PDE10A: variants seen among roughly 807,000 people sequenced by gnomAD.
The protein encoded by PDE10A is cAMP and cAMP-inhibited cGMP 3',5'-cyclic phosphodiesterase 10A.
In PDE10A, 39 loss-of-function variants were observed where a neutral mutation model predicts 97.7. That is an observed-to-expected ratio of 0.40 (90% confidence interval 0.31 to 0.52). The LOEUF (loss-of-function observed/expected upper bound fraction) is 0.52. Ranked by LOEUF, PDE10A falls within the 20% of genes least tolerant of loss-of-function variation. The probability of loss-of-function intolerance (pLI) is 0.56; values close to 1 mark genes in which losing one functional copy is unlikely to be tolerated. For synonymous variants in PDE10A, 371 were observed against 376.8 expected, an observed-to-expected ratio of 0.98 and a Z score of 0.18; for missense variants, 731 against 1,047.8, an observed-to-expected ratio of 0.70 and a Z score of 4.17.
chr6:165,640,395 C>T (rs545987846), intron 1 of PDE10A, among the ~76,000 whole-genome samples: 22 of 152,014 alleles, frequency 1.4e-4, no homozygotes, highest in Non-Finnish European at 3.1e-4. Flanking sequence ...TCTTGGTCTG[C>T]AAAGTTTAAA....
At chr6:165,406,432 A>G (rs937585036) in intron 13 of PDE10A, among the ~76,000 whole-genome samples, 1 of 152,124 alleles carries the variant, frequency 6.6e-6, no homozygotes, top group Non-Finnish European at 1.5e-5. Context: ...TACAAATTTA[A>G]TTTACATAAT....
In PDE10A at chr6:165,626,564, C is replaced by G. The variant is rs1033699; in HGVS notation, c.865+35383G>C. Among the ~76,000 whole-genome samples the G allele has an allele frequency of 2.7e-3, 408 of 152,254 alleles. 1 individual carries two copies. Among genetic ancestry groups the G allele is most frequent in the African/African-American group, 9.3e-3 (387 of 41,514 alleles). ...TTTGAAAGGGATAATTATTTCTTCT[C>G]GACAGAAAACACTTTCCAATCTTTC... On this transcript the variant is annotated intron_variant, in intron 1 of 21. Coordinates refer to ENST00000539869, the MANE Select transcript of PDE10A (RefSeq NM_001385079.1).
At chr6:165,774,360 C>A (rs1037075941) in intron 1 of PDE10A, among the ~76,000 whole-genome samples, 19 of 151,410 alleles carry the variant, frequency 1.3e-4, no homozygotes, top group African/African-American at 4.6e-4. Flanking sequence ...ATTGCAGGGA[C>A]ATGTAGAAAT....
At chr6:165,899,673 G>A (rs1297685757) in intron 1 of PDE10A, among the ~76,000 whole-genome samples, 2 of 152,224 alleles carry the variant, frequency 1.3e-5, no homozygotes, top group Admixed American at 1.3e-4. Context: ...CCTAAAGGGT[G>A]GTACCTGGGG....
At chr6:165,456,579 A>T (rs958332625) in intron 3 of PDE10A, among the ~76,000 whole-genome samples, 9 of 152,210 alleles carry the variant, frequency 5.9e-5, no homozygotes, top group South Asian at 2.1e-4. Context: ...ACAAGAAGAC[A>T]TGCTGGGATG....
intron 18 of PDE10A, among the ~76,000 whole-genome samples, chr6:165,374,582 G>C (rs1396345457): frequency 6.6e-6 from 1 of 152,110 alleles, no homozygotes; most frequent in East Asian, 1.9e-4. Context: ...AGTGGTCAGA[G>C]ACTGGCGTAT....
At chr6:165,405,384 C>T (rs908684797) in intron 13 of PDE10A, among the ~76,000 whole-genome samples, 5 of 152,128 alleles carry the variant, frequency 3.3e-5, no homozygotes, top group Admixed American at 6.5e-5. Context: ...GTGGAAACAA[C>T]AAACCAGCTA....
rs1790319202 is a variant in PDE10A at position 165,662,317 on chromosome 6, TCCTCCTCCTCCGCCAGCATCGCCG to T, written c.471_494del (p.Asp159_Gly166del). On this transcript the variant is annotated inframe_deletion, in exon 1 of 22. Transcript: ENST00000539869. ...TCAAGGGAGCTGCCTCTTGTCCTCC[TCCTCCTCCTCCGCCAGCATCGCCG>T]CCTCCTCCCGCCGCCGCCGCCGCCG... 6.4e-6 allele frequency: 1 copy of T among 156,598 alleles called. No individual in the cohort carries two copies. The highest frequency in any genetic ancestry group is 1.3e-5 in the Non-Finnish European group (1 of 75,196). The allele number at this position is 156,598 out of a possible 1,614,324, so 9.7% of individuals were successfully genotyped here.
intron 1 of PDE10A, among the ~76,000 whole-genome samples, chr6:165,773,813 T>A (rs1487346444): frequency 6.6e-6 from 1 of 152,122 alleles, no homozygotes; most frequent in Non-Finnish European, 1.5e-5. Context: ...AACTGTCAAA[T>A]CTGGACATAA....
intron 1 of PDE10A, among the ~76,000 whole-genome samples, chr6:165,741,319 A>G (rs960735900): frequency 1.3e-5 from 2 of 152,214 alleles, no homozygotes; most frequent in Non-Finnish European, 2.9e-5. Flanking sequence ...CGTTTGAAAA[A>G]TTATTGCCTG....
chr6:165,461,423 C>G (rs1019602749), intron 3 of PDE10A, among the ~76,000 whole-genome samples: 1 of 152,024 alleles, frequency 6.6e-6, no homozygotes, highest in Non-Finnish European at 1.5e-5. Context: ...TATTCTGGCT[C>G]GAAAAGTAAA....
chr6:165,623,582 A>G (rs1302779907), intron 1 of PDE10A, among the ~76,000 whole-genome samples: 1 of 152,238 alleles, frequency 6.6e-6, no homozygotes, highest in African/African-American at 2.4e-5. Context: ...AACTTAAAAT[A>G]TAATACAAAA....
At chr6:165,627,727 C>T (rs1044735675) in intron 1 of PDE10A, among the ~76,000 whole-genome samples, 1 of 152,170 alleles carries the variant, frequency 6.6e-6, no homozygotes, top group Non-Finnish European at 1.5e-5. Flanking sequence ...AGAGACCTGT[C>T]CATACTTTAA....
intron 1 of PDE10A, among the ~76,000 whole-genome samples, chr6:165,896,197 T>C (rs955610280): frequency 6.6e-5 from 10 of 152,158 alleles, no homozygotes; most frequent in African/African-American, 1.9e-4. Context: ...TGTCATCTTG[T>C]TGGGACTCTG....
In PDE10A at chr6:165,423,733, C is replaced by T. The variant is rs551704008; in HGVS notation, c.1653+4925G>A. ...TACAAAAATTAAGCAGGTGTGGTGG[C>T]GCGTGCCTGTAGTCCCAGCTACTCG... On this transcript the variant is annotated intron_variant, in intron 10 of 21. Coordinates refer to ENST00000539869, the MANE Select transcript of PDE10A (RefSeq NM_001385079.1). Among the ~76,000 whole-genome samples the T allele has an allele frequency of 2.6e-4, 40 of 151,820 alleles. 1 individual carries two copies. In the East Asian group the frequency reaches 6.2e-3, roughly 24 times the overall value.
chr6:165,887,239 C>G (rs944778186), intron 1 of PDE10A, among the ~76,000 whole-genome samples: 5 of 152,194 alleles, frequency 3.3e-5, no homozygotes, highest in African/African-American at 1.2e-4. Flanking sequence ...ACACTCACAG[C>G]CTTACTAACA....
rs61455081 is a variant in PDE10A, at chr6:165,409,164, C to CAAA, written c.2076+4334_2076+4336dup. On this transcript the variant is annotated intron_variant, in intron 13 of 21. Coordinates refer to ENST00000539869, the MANE Select transcript of PDE10A (RefSeq NM_001385079.1). The stretch of plus-strand genomic sequence containing the variant: ...TGGGCGACAGGGTGAGACTCCATCT[C>CAAA]AAAAAAAAAAAAAAAAAAGAAAAAA... 3.7e-5 allele frequency among the ~76,000 whole-genome samples: 4 copies of CAAA among 108,136 alleles called. No individual in the cohort carries two copies. The South Asian group carries it at 1.2e-3, about 34-fold the overall frequency. The allele number at this position is 108,136 out of a possible 152,430, so 70.9% of individuals were successfully genotyped here. A position where few individuals can be genotyped will look rare whatever the true frequency, so the allele number is the denominator to read the frequency against.
At chr6:165,408,591 G>C (rs1319487524) in intron 13 of PDE10A, among the ~76,000 whole-genome samples, 2 of 151,954 alleles carry the variant, frequency 1.3e-5, no homozygotes, top group Non-Finnish European at 2.9e-5. Flanking sequence ...GCATACATTT[G>C]GAGCTATTTT....
intron 1 of PDE10A, among the ~76,000 whole-genome samples, chr6:165,583,508 C>T (rs1368450760): frequency 1.3e-5 from 2 of 152,150 alleles, no homozygotes; most frequent in Non-Finnish European, 2.9e-5. Context: ...CAAGTGAGCC[C>T]TAAATGATAT....
Sources: allele counts gnomAD v4.1 joint callset (sites outside exome capture counted in the v4.1 genomes callset), GRCh38; gene constraint gnomAD v4.1.1; transcripts MANE v1.5; gene names NCBI Gene and HGNC (gene_info 2026-07-23, HGNC 2026-07-21).